The following RHOU variants were observed in gnomAD, a reference collection of about 807,000 sequenced individuals.
RHOU encodes the protein rho-related GTP-binding protein RhoU.
Under a neutral mutation model 12.6 loss-of-function variants are expected in RHOU, and 8 were observed. The observed-to-expected ratio is 0.64, with a 90% CI of 0.37 to 1.15. The LOEUF is 1.15. Ranked by LOEUF, RHOU falls within the 50% of genes most tolerant of loss-of-function variation. RHOU has a pLI of 0.01. For missense variants in RHOU, 258 were observed against 347.0 expected (o/e 0.74, Z 2.04); for synonymous variants, 161 against 147.4 (o/e 1.09, Z -0.67).
chr1:228,654,581 C>T, the RHOU span, among the ~76,000 whole-genome samples: 6 of 152,168 alleles, frequency 3.9e-5, no homozygotes, highest in Admixed American at 6.5e-5. Context: ...TCCCCATCAC[C>T]GTGAGAATCT....
At chr1:228,646,750 A>C in the RHOU span, among the ~76,000 whole-genome samples, 1 of 151,556 alleles carries the variant, frequency 6.6e-6, no homozygotes, top group African/African-American at 2.4e-5. Flanking sequence ...ACACAGACAC[A>C]CCCGTTCGTT....
chr1:228,672,714 C>G, the RHOU span, among the ~76,000 whole-genome samples: 4 of 152,146 alleles, frequency 2.6e-5, no homozygotes, highest in Non-Finnish European at 4.4e-5. Flanking sequence ...ATCACCTTTG[C>G]CATCACCTCA....
chr1:228,656,730 A>AAAT, the RHOU span, among the ~76,000 whole-genome samples: 15 of 152,226 alleles, frequency 9.9e-5, no homozygotes, highest in Admixed American at 7.2e-4. Context: ...TTCACTACAA[A>AAAT]AATAATCAAA....
the RHOU span, among the ~76,000 whole-genome samples, chr1:228,670,365 C>T: frequency 6.6e-6 from 1 of 152,180 alleles, no homozygotes. Context: ...GCCCAGAGCA[C>T]TAATAATTAA....
chr1:228,646,449 C>CCGCACAGGG, the RHOU span, among the ~76,000 whole-genome samples: 2 of 56,762 alleles, frequency 3.5e-5, no homozygotes, highest in Non-Finnish European at 7.0e-5. Flanking sequence ...CGCACAGGGG[C>CCGCACAGGG]TCCTGCGAGG....
chr1:228,657,279 C>CAAAAAAAAAAAA, the RHOU span, among the ~76,000 whole-genome samples: 3 of 28,030 alleles, frequency 1.1e-4, no homozygotes, highest in Admixed American at 6.2e-4. Flanking sequence ...AACTCCATCT[C>CAAAAAAAAAAAA]AAAAAAAAAA....
At chr1:228,733,148 C>G (rs537290514), upstream of RHOU, among the ~76,000 whole-genome samples, 1 of 152,316 alleles carries the variant, frequency 6.6e-6, no homozygotes, top group Non-Finnish European at 1.5e-5. Flanking sequence ...CATGGGAATT[C>G]AGATCATTCA....
chr1:228,664,533 G>A, the RHOU span, among the ~76,000 whole-genome samples: 3 of 152,154 alleles, frequency 2.0e-5, no homozygotes, highest in African/African-American at 4.8e-5. Context: ...AAACCCAACA[G>A]TTTATTAAAA....
the RHOU span, among the ~76,000 whole-genome samples, chr1:228,646,670 C>T: frequency 2.4e-4 from 35 of 148,466 alleles, no homozygotes; most frequent in African/African-American, 8.7e-4. Context: ...GCGGCCTGAT[C>T]TCGGGTGAGA....
At position 228,737,742 on chromosome 1, in the gene RHOU, C is replaced by T. The variant is rs773062189; in HGVS notation, c.321+11C>T. On this transcript the variant is annotated intron_variant, in intron 2 of 2. Transcript: ENST00000366691. This position sits in a 1 kb window ranked among gnomAD's most constrained non-coding sequence, Gnocchi z 4.1. The stretch of plus-strand genomic sequence containing the variant: ...GACACTGCCGGACAGGTCAGTATCA[C>T]GTTACAGCTCAGTGCTGGGAAAGGA... The T allele has an allele frequency of 7.4e-6, 12 of 1,613,662 alleles. No homozygotes were observed. The African/African-American group carries it at 1.2e-4, about 16-fold the overall frequency.
At chr1:228,710,467 C>G in the RHOU span, among the ~76,000 whole-genome samples, 2 of 152,230 alleles carry the variant, frequency 1.3e-5, no homozygotes, top group Non-Finnish European at 1.5e-5. Flanking sequence ...CCACCATGAT[C>G]AAGTGGGCTT....
the RHOU span, among the ~76,000 whole-genome samples, chr1:228,660,805 T>A: frequency 6.6e-6 from 1 of 151,560 alleles, no homozygotes; most frequent in African/African-American, 2.4e-5. Context: ...TGGTGGTGCA[T>A]GCCTGTAATC....
chr1:228,709,269 G>A, the RHOU span, among the ~76,000 whole-genome samples: 6 of 147,524 alleles, frequency 4.1e-5, no homozygotes, highest in African/African-American at 1.2e-4. Context: ...AAGTCAACAA[G>A]GATACCCAGG....
chr1:228,667,789 A>G, the RHOU span, among the ~76,000 whole-genome samples: 10 of 152,242 alleles, frequency 6.6e-5, no homozygotes, highest in Non-Finnish European at 1.5e-5. Flanking sequence ...TGACTCACCA[A>G]GATTTTTTTA....
the RHOU span, among the ~76,000 whole-genome samples, chr1:228,711,852 T>A: frequency 4.1e-5 from 6 of 144,914 alleles, no homozygotes; most frequent in Non-Finnish European, 9.1e-5. Context: ...CAAAAGAAAC[T>A]ACCATCAGAG....
chr1:228,657,192 G>A, the RHOU span, among the ~76,000 whole-genome samples: 22 of 141,168 alleles, frequency 1.6e-4, no homozygotes, highest in South Asian at 1.6e-3. Context: ...CAGGAGAATC[G>A]CTTCAACCCA....
At chr1:228,710,156 TG>T in the RHOU span, among the ~76,000 whole-genome samples, 1 of 152,160 alleles carries the variant, frequency 6.6e-6, no homozygotes, top group Non-Finnish European at 1.5e-5. Context: ...GCTGAAATTG[TG>T]GCAATAATCA....
the RHOU span, among the ~76,000 whole-genome samples, chr1:228,702,511 C>G: frequency 6.6e-6 from 1 of 152,122 alleles, no homozygotes; most frequent in East Asian, 1.9e-4. Flanking sequence ...GAGGACATGT[C>G]CCCATATGTT....
At chr1:228,715,846 T>C in the RHOU span, among the ~76,000 whole-genome samples, 11 of 152,188 alleles carry the variant, frequency 7.2e-5, no homozygotes, top group East Asian at 2.1e-3. Context: ...TTTTTTGCAT[T>C]ATTTGATGTG....
Sources: gnomAD v4.1 joint callset for allele counts (sites outside exome capture counted in the v4.1 genomes callset) on GRCh38, gnomAD v4.1.1 for gene constraint, Gnocchi (gnomAD v3.1) non-coding constraint, MANE v1.5 for transcripts, NCBI Gene and HGNC (gene_info 2026-07-23, HGNC 2026-07-21) for gene names.